Variants in INTS3 observed in about 807,000 individuals in gnomAD.
The protein encoded by INTS3 is SOSS complex subunit A.
A neutral mutation model predicts 146.3 loss-of-function variants in INTS3; 34 were observed. The ratio of observed to expected loss-of-function variants is 0.23; its 90% CI spans 0.18 to 0.31. INTS3 has a LOEUF of 0.31. Among genes scored for constraint, INTS3 ranks in the 10% least tolerant of loss-of-function variants. The pLI is 1.00. For missense variants in INTS3, 757 were observed against 1,304.2 expected, an observed-to-expected ratio of 0.58 and a Z score of 6.46; for synonymous variants, 475 against 494.9, an observed-to-expected ratio of 0.96 and a Z score of 0.53.
chr1:153,770,061 GTGTGTGTGT>G (rs1558010069), intron 23 of INTS3, 128 bp from the exon 24 acceptor site: 9 of 15,524 alleles, frequency 5.8e-4, no homozygotes, highest in African/African-American at 3.1e-3. Context: ...GGATTGGGGT[GTGTGTGTGT>G]GTGTGTGTGT....
intron 23 of INTS3, 114 bp from the exon 24 acceptor site, chr1:153,770,084 T>TC (rs1672767725): frequency 2.3e-6 from 1 of 437,018 alleles, no homozygotes; most frequent in South Asian, 2.2e-5. Context: ...TGTGTGTGTG[T>TC]GTGTGTGTGT....
Position 153,758,712 on chromosome 1 carries a change from C to T in INTS3, c.1150-814C>T, listed in dbSNP as rs535015307. On this transcript the variant is annotated intron_variant, in intron 10 of 29. Transcript: ENST00000318967. ...TAGTCCCAGGCTGAGGTGAGAGGACCGCTTGAGCCTGGGAGGTAGAGGTTG... is the reference window on the plus strand; with the variant it reads ...TAGTCCCAGGCTGAGGTGAGAGGACTGCTTGAGCCTGGGAGGTAGAGGTTG... 3.3e-5 allele frequency among the ~76,000 whole-genome samples: 5 copies of T among 151,556 alleles called. No homozygotes were observed. The East Asian group carries it at 5.9e-4, about 18-fold the overall frequency.
At chr1:153,733,784 T>C (rs1046141082) in intron 1 of INTS3, among the ~76,000 whole-genome samples, 2 of 151,784 alleles carry the variant, frequency 1.3e-5, no homozygotes, top group Non-Finnish European at 2.9e-5. Flanking sequence ...CTTGTATTTT[T>C]AGTAGAGATG....
intron 7 of INTS3, 46 bp from the exon 8 acceptor site, chr1:153,752,233 T>C: frequency 6.3e-7 from 1 of 1,593,754 alleles, no homozygotes; most frequent in Non-Finnish European, 8.6e-7. Context: ...AAACAATCCA[T>C]GTTTTTATTC....
Position 153,757,864 on chromosome 1 carries a change from C to A in INTS3, c.1149+101C>A. 1 of 905,932 alleles carries A rather than the reference C, an allele frequency of 1.1e-6. No homozygotes were observed. Among genetic ancestry groups the A allele is most frequent in the South Asian group, 1.6e-5 (1 of 63,654 alleles). The allele number at this position is 905,932 out of a possible 1,614,324, so 56.1% of individuals were successfully genotyped here. ...TCCAGGGCCACTTGACCCCTAAGGG[C>A]CCTTCTTTCACTCTGGTCTTCCAGA... On this transcript the variant is annotated intron_variant, in intron 10 of 29. Transcript: ENST00000318967. The surrounding 1 kb of genome is among the most constrained non-coding windows in gnomAD (Gnocchi z 4.0).
rs1227347332 is a variant in INTS3 at position 153,728,108 on chromosome 1, GGTCCTCCCC to G, written c.-518_-510del. On this transcript the variant is annotated 5_prime_UTR_variant, in exon 1 of 30. Transcript: ENST00000318967. ...CTTCTGTGTGGTGTGGGGAGACGCT[GGTCCTCCCC>G]GTCCTCCCATAGCGCTTATTGCCTC... 11 of 390,444 alleles carry G rather than the reference GGTCCTCCCC, an allele frequency of 2.8e-5. No individual in the cohort carries two copies. Among genetic ancestry groups the G allele is most frequent in the Non-Finnish European group, 4.4e-5 (10 of 224,858 alleles). 24.2% of individuals were successfully genotyped at this position (390,444 alleles called of 1,614,324 possible). A position where few individuals can be genotyped will look rare whatever the true frequency, so the allele number is the denominator to read the frequency against.
At chr1:153,756,607 G>A (rs1672171300) in intron 9 of INTS3, among the ~76,000 whole-genome samples, 1 of 152,080 alleles carries the variant, frequency 6.6e-6, no homozygotes, top group Admixed American at 6.5e-5. Context: ...CTTGAGAGCA[G>A]GAGTTCGAGA....
intron 21 of INTS3, among the ~76,000 whole-genome samples, chr1:153,768,313 G>C (rs754563398): frequency 5.3e-5 from 8 of 152,322 alleles, no homozygotes; most frequent in Admixed American, 1.3e-4. Context: ...CTTGGTAGAA[G>C]TTCCCAGGAA....
chr1:153,741,256 C>A, intron 2 of INTS3, 29 bp from the exon 3 acceptor site: 1 of 1,546,942 alleles, frequency 6.5e-7, no homozygotes, highest in Non-Finnish European at 8.9e-7. Flanking sequence ...TGAGTGACAA[C>A]TAGTTTGTTT....
chr1:153,730,825 C>G (rs914226922), intron 1 of INTS3, among the ~76,000 whole-genome samples: 3 of 152,102 alleles, frequency 2.0e-5, no homozygotes, highest in Non-Finnish European at 4.4e-5. Flanking sequence ...TTTGAATTTT[C>G]TAGCAAGACT....
In INTS3 at chr1:153,764,187, C is replaced by G; in HGVS notation, c.1891C>G (p.Arg631Gly). The change falls in exon 18 of 30, where the codon CGA becomes GGA. Residue 631 changes from arginine to glycine, a missense_variant. Physicochemically the swap from Arg to Gly is moderately radical, Grantham distance 125. Transcript: ENST00000318967. ...CLQELFKAHF[R>G]GEVLPEEITE... ...ACAGGAGCTCTTCAAGGCCCACTTT[C>G]GAGGGGAGGTCCTGCCTGAGGAGAT... The G allele has an allele frequency of 6.2e-7, 1 of 1,613,896 alleles. No individual in the cohort carries two copies. The highest frequency in any genetic ancestry group is 1.7e-5 in the Admixed American group (1 of 60,012).
chr1:153,752,065 C>T (rs1434438439), intron 7 of INTS3: 1 of 567,034 alleles, frequency 1.8e-6, no homozygotes, highest in East Asian at 3.2e-5. Context: ...GCACTTCCCA[C>T]TAACCTCTCA....
intron 9 of INTS3, among the ~76,000 whole-genome samples, chr1:153,756,054 T>C (rs1276905267): frequency 2.7e-5 from 4 of 146,058 alleles, no homozygotes; most frequent in African/African-American, 1.0e-4. Context: ...AATATATATA[T>C]ATTAAGTTAG....
rs2101826764 is a variant in INTS3 at position 153,767,803 on chromosome 1, C to T, written c.2220C>T (p.His740=). ...AGGACGATGTGCGGCTCCTGTGCCA[C>T]CTCACGCCCTCCATCTACACAGAGG... ...CQEDDVRLLC[H]LTPSIYTEFP... The change falls in exon 21 of 30, where the codon CAC becomes CAT. Residue 740 remains histidine (H), a synonymous_variant. Coordinates refer to ENST00000318967, the MANE Select transcript of INTS3 (RefSeq NM_023015.5). The T allele has an allele frequency of 6.5e-7, 1 of 1,534,588 alleles. No individual in the cohort carries two copies. The highest frequency in any genetic ancestry group is 1.2e-5 in the South Asian group (1 of 81,888).
At chr1:153,770,766 A>C in intron 25 of INTS3, 33 bp downstream of exon 25, 1 of 1,544,020 alleles carries the variant, frequency 6.5e-7, no homozygotes, top group Non-Finnish European at 9.0e-7. Flanking sequence ...TTTAGCCCTC[A>C]ATTTTAACAT....
In INTS3 at chr1:153,752,230, C is replaced by T. The variant is rs765847739; in HGVS notation, c.730-49C>T. 4.4e-6 allele frequency: 7 copies of T among 1,581,376 alleles called. No homozygotes were observed. In the Admixed American group the frequency reaches 6.7e-5, roughly 15 times the overall value. ...GTCCTCCCTCCAGCAGGTAAACAAT[C>T]CATGTTTTTATTCTCTTTCCTGTCC... On this transcript the variant is annotated intron_variant, in intron 7 of 29. Coordinates refer to ENST00000318967, the MANE Select transcript of INTS3 (RefSeq NM_023015.5).
intron 3 of INTS3, among the ~76,000 whole-genome samples, chr1:153,744,168 G>A (rs912323013): frequency 6.6e-6 from 1 of 151,600 alleles, no homozygotes; most frequent in Non-Finnish European, 1.5e-5. Context: ...TGAAACTCTC[G>A]GTTCTCATTT....
rs1412855694 is a variant in INTS3 at position 153,744,046 on chromosome 1, T to C, written c.318+2678T>C. 2.9e-3 allele frequency among the ~76,000 whole-genome samples: 394 copies of C among 135,036 alleles called. 1 individual carries two copies. Among genetic ancestry groups the C allele is most frequent in the African/African-American group, 9.0e-3 (344 of 38,254 alleles). 88.6% of individuals were successfully genotyped at this position (135,036 alleles called of 152,430 possible). ...CTGAGGGTGTGCATGTGCGTGTGTG[T>C]GTGTGTGTGTGTGTGTGTGTGTGTG... On this transcript the variant is annotated intron_variant, in intron 3 of 29. Coordinates refer to ENST00000318967, the MANE Select transcript of INTS3 (RefSeq NM_023015.5).
rs1405953120 is a variant in INTS3, at chr1:153,740,674, T to C, written c.174T>C (p.Ile58=). 6.2e-7 allele frequency: 1 copy of C among 1,614,090 alleles called. No individual in the cohort carries two copies. The highest frequency in any genetic ancestry group is 1.7e-5 in the Admixed American group (1 of 60,026). The change falls in exon 2 of 30, where the codon ATT becomes ATC. Residue 58 remains isoleucine (I), a synonymous_variant. Transcript: ENST00000318967. ...LEERLERCMS[I]VTSMTAGVSE... is the part of the protein sequence containing the mutation. ...AGAGATTGGAAAGGTGTATGAGCAT[T>C]GTGACATCGATGACTGCTGGTGTCT... is the stretch of plus-strand genomic sequence containing the variant.
Sources: gnomAD v4.1 joint callset for allele counts (sites outside exome capture counted in the v4.1 genomes callset) on GRCh38, gnomAD v4.1.1 for gene constraint, Gnocchi (gnomAD v3.1) non-coding constraint, MANE v1.5 for transcripts, NCBI Gene and HGNC (gene_info 2026-07-23, HGNC 2026-07-21) for gene names.